The following PRMT7 variants were observed in gnomAD, a reference collection of about 807,000 sequenced individuals.
PRMT7 encodes the protein protein arginine N-methyltransferase 7.
Under a neutral mutation model 85.4 loss-of-function variants are expected in PRMT7, and 75 were observed. The ratio of observed to expected loss-of-function variants is 0.88; its 90% confidence interval spans 0.73 to 1.06. The LOEUF is 1.06. Among genes scored for constraint, PRMT7 ranks in the 50% least tolerant of loss-of-function variants. PRMT7 has a pLI of 0.00. For synonymous variants in PRMT7, 397 were observed against 359.5 expected (o/e 1.10, Z -1.18); for missense variants, 868 against 915.2 (o/e 0.95, Z 0.67).
chr16:68,335,365 A>G (rs2084516711), intron 6 of PRMT7, among the ~76,000 whole-genome samples: 2 of 24,222 alleles, frequency 8.3e-5, no homozygotes, highest in Non-Finnish European at 1.7e-4. Flanking sequence ...TGACTCATTG[A>G]TTGATTGAGG....
intron 14 of PRMT7, 114 bp from the exon 15 acceptor site, chr16:68,352,134 G>C (rs2087478803): frequency 9.1e-7 from 1 of 1,093,426 alleles, no homozygotes; most frequent in Non-Finnish European, 1.3e-6. Flanking sequence ...GGGAGAGGGA[G>C]GGAGTGAGGG....
chr16:68,332,212 A>C (rs1227802478), intron 6 of PRMT7, among the ~76,000 whole-genome samples: 2 of 152,160 alleles, frequency 1.3e-5, no homozygotes, highest in African/African-American at 4.8e-5. Context: ...TTCTCCAACT[A>C]TGTGACATTT....
intron 9 of PRMT7, among the ~76,000 whole-genome samples, chr16:68,340,177 A>G (rs1246951286): frequency 1.3e-5 from 2 of 152,178 alleles, no homozygotes; most frequent in African/African-American, 4.8e-5. Context: ...ACTCATGGAC[A>G]CAGTGAGGAA....
At chr16:68,359,671 C>T (rs190499816), downstream of PRMT7, 1,190 of 152,790 alleles carry the variant, frequency 7.8e-3, 8 homozygotes, top group Non-Finnish European at 0.013. Context: ...CAGGCAAAGC[C>T]GGCCCTGGGC....
intron 1 of PRMT7, chr16:68,311,616 CAGA>C (rs1303956410): frequency 6.6e-6 from 1 of 152,364 alleles, no homozygotes; most frequent in African/African-American, 2.4e-5. Context: ...CTTGATTGAG[CAGA>C]AGATGTGATA....
At chr16:68,345,612 C>T in intron 9 of PRMT7, 63 bp from the exon 10 acceptor site, 2 of 1,602,638 alleles carry the variant, frequency 1.2e-6, no homozygotes, top group Non-Finnish European at 1.7e-6. Flanking sequence ...GCATTTGGCT[C>T]CTGGATTAGA....
At position 68,321,410 on chromosome 16, in the gene PRMT7, C is replaced by T. The variant is rs746444375; in HGVS notation, c.96-16C>T. 10 of 1,599,610 alleles carry T rather than the reference C, an allele frequency of 6.3e-6. No homozygotes were observed. The highest frequency in any genetic ancestry group is 8.6e-6 in the Non-Finnish European group (10 of 1,168,266). On this transcript the variant is annotated splice_polypyrimidine_tract_variant and intron_variant, in intron 3 of 18. Transcript: ENST00000441236. ...ATGTGTATCATGCAAAGGTTACTGACTTTTTTGTTTTTTAGGTCATCTTAT... is the reference window on the plus strand; with the variant it reads ...ATGTGTATCATGCAAAGGTTACTGATTTTTTTGTTTTTTAGGTCATCTTAT...
In PRMT7 at chr16:68,345,660, T is replaced by C. The variant is rs1334621249; in HGVS notation, c.928-15T>C. 4 of 1,613,288 alleles carry C rather than the reference T, an allele frequency of 2.5e-6. No homozygotes were observed. Among genetic ancestry groups the C allele is most frequent in the East Asian group, 4.5e-5 (2 of 44,882 alleles). On this transcript the variant is annotated splice_polypyrimidine_tract_variant and intron_variant, in intron 9 of 18. Transcript: ENST00000441236. ...ACTGCAGCTCGTTGACAGCTGACTC[T>C]GTTCTCCGTTTCAGTGGCGGGACCA...
At chr16:68,353,381 G>A in intron 15 of PRMT7, 111 bp from the exon 16 acceptor site, 1 of 1,557,486 alleles carries the variant, frequency 6.4e-7, no homozygotes, top group Non-Finnish European at 8.6e-7. Context: ...TTCATACTTG[G>A]GGGTCTCTTT....
chr16:68,333,715 C>T (rs1226313925), intron 6 of PRMT7, among the ~76,000 whole-genome samples: 1 of 152,126 alleles, frequency 6.6e-6, no homozygotes, highest in East Asian at 1.9e-4. Context: ...ACTCTGCCTC[C>T]AGGCAGCATT....
At chr16:68,317,696 G>A (rs1207303663) in intron 3 of PRMT7, among the ~76,000 whole-genome samples, 1 of 151,550 alleles carries the variant, frequency 6.6e-6, no homozygotes. Flanking sequence ...GTGTGGTGGC[G>A]CATGCATGCC....
downstream of PRMT7, chr16:68,359,686 C>T (rs575588012): frequency 6.5e-6 from 1 of 152,764 alleles, no homozygotes; most frequent in Admixed American, 6.5e-5. Context: ...CTGGGCCAGG[C>T]TGGGTGTAGG....
chr16:68,337,406 T>C, intron 6 of PRMT7, 53 bp from the exon 7 acceptor site: 1 of 1,277,880 alleles, frequency 7.8e-7, no homozygotes, highest in Non-Finnish European at 1.1e-6. Context: ...TTGCTGTAAA[T>C]ATTTTTCCTA....
intron 6 of PRMT7, among the ~76,000 whole-genome samples, chr16:68,333,813 C>T (rs767461650): frequency 5.3e-5 from 8 of 152,114 alleles, no homozygotes; most frequent in Non-Finnish European, 1.0e-4. Context: ...GGCTCTGTCG[C>T]CCAGGCTGGA....
intron 15 of PRMT7, chr16:68,353,266 G>C (rs997928921): frequency 1.1e-6 from 1 of 876,634 alleles, no homozygotes; most frequent in Non-Finnish European, 1.6e-6. Context: ...CTGGCCGACT[G>C]TCCCTTATAG....
At chr16:68,356,630 G>T (rs1416054492) in intron 17 of PRMT7, 71 bp from the exon 18 acceptor site, 2 of 1,211,464 alleles carry the variant, frequency 1.7e-6, no homozygotes, top group Admixed American at 4.0e-5. Context: ...CTGGAAAGCC[G>T]CAGGAGCTGC....
chr16:68,321,638 T>G, intron 4 of PRMT7, 176 bp downstream of exon 4: 1 of 558,550 alleles, frequency 1.8e-6, no homozygotes, highest in Non-Finnish European at 3.2e-6. Flanking sequence ...TTTTGTTGTT[T>G]AATCTCCCAG....
chr16:68,325,657 G>T (rs1443864318), intron 5 of PRMT7, among the ~76,000 whole-genome samples: 1 of 152,026 alleles, frequency 6.6e-6, no homozygotes, highest in Non-Finnish European at 1.5e-5. Flanking sequence ...CGGGTGTGGT[G>T]ATGCGCGCCT....
In PRMT7 at chr16:68,333,191, CTA is replaced by C. The variant is rs752401080; in HGVS notation, c.391+4018_391+4019del. ...TGTTTTTTTAAATTTTTATTAGAAA[CTA>C]AGTCTTGCGGCTGGGTGCAGTGGCT... On this transcript the variant is annotated intron_variant, in intron 6 of 18. Transcript: ENST00000441236. Among the ~76,000 whole-genome samples, 205 of 152,106 alleles carry C rather than the reference CTA, an allele frequency of 1.3e-3. 2 individuals are homozygous for C. The highest frequency in any genetic ancestry group is 3.2e-4 in the Non-Finnish European group (22 of 67,978).
Sources: allele counts gnomAD v4.1 joint callset (sites outside exome capture counted in the v4.1 genomes callset), GRCh38; gene constraint gnomAD v4.1.1; transcripts MANE v1.5; gene names NCBI Gene and HGNC (gene_info 2026-07-23, HGNC 2026-07-21).